ERG: variants seen among roughly 807,000 people sequenced by gnomAD.
The protein encoded by ERG is transcriptional regulator ERG.
A neutral mutation model predicts 55.3 loss-of-function variants in ERG; 9 were observed. The observed-to-expected ratio is 0.16, with a 90% CI of 0.10 to 0.28. The LOEUF (loss-of-function observed/expected upper bound fraction) is 0.28. Among genes scored for constraint, ERG ranks in the 10% least tolerant of loss-of-function variants. The pLI is 1.00. For synonymous variants in ERG, 223 were observed against 237.3 expected, an observed-to-expected ratio of 0.94 and a Z score of 0.55; for missense variants, 434 against 631.6, an observed-to-expected ratio of 0.69 and a Z score of 3.35.
chr21:38,397,375 G>A (rs1408352021), intron 6 of ERG, among the ~76,000 whole-genome samples: 3 of 152,038 alleles, frequency 2.0e-5, no homozygotes, highest in Non-Finnish European at 2.9e-5. Flanking sequence ...AGAGGTGGGC[G>A]GATCACGAGG....
At chr21:38,464,796 T>G (rs1380785166) in intron 1 of ERG, among the ~76,000 whole-genome samples, 1 of 151,996 alleles carries the variant, frequency 6.6e-6, no homozygotes, top group Non-Finnish European at 1.5e-5. Flanking sequence ...CTCCCACTTA[T>G]TAGTGAGAAC....
chr21:38,518,276 CTATCTAT>C (rs2059567984), intron 2 of ERG, among the ~76,000 whole-genome samples: 1 of 150,500 alleles, frequency 6.6e-6, no homozygotes, highest in African/African-American at 2.5e-5. Context: ...ATCTATCTAT[CTATCTAT>C]CTATCTATTT....
At position 38,445,536 on chromosome 21, in the gene ERG, G is replaced by A. The variant is rs993206522; in HGVS notation, c.104C>T (p.Ala35Val). 2.0e-5 allele frequency: 33 copies of A among 1,613,942 alleles called. No homozygotes were observed. Among genetic ancestry groups the A allele is most frequent in the Admixed American group, 3.3e-5 (2 of 59,990 alleles). ...CTGTCCATAGTCGCTGGAGGAGGAC[G>A]CGGTCATCTCTGTCTTAGCCAGGTG... ...TPHLAKTEMT[A>V]SSSSDYGQTS... The change falls in exon 2 of 10, where the codon GCG becomes GTG. Residue 35 changes from alanine to valine, a missense_variant. Coordinates refer to ENST00000288319, the MANE Select transcript of ERG (RefSeq NM_182918.4).
At chr21:38,538,920 G>A (rs776651674) in intron 2 of ERG, among the ~76,000 whole-genome samples, 1 of 152,044 alleles carries the variant, frequency 6.6e-6, no homozygotes, top group Non-Finnish European at 1.5e-5. Flanking sequence ...TCCAGGAACA[G>A]AGACTGCCCA....
intron 2 of ERG, among the ~76,000 whole-genome samples, chr21:38,444,489 T>C (rs1748135981): frequency 6.6e-6 from 1 of 152,228 alleles, no homozygotes; most frequent in African/African-American, 2.4e-5. Context: ...AGAAATAATC[T>C]GTTCTTTATC....
chr21:38,406,571 C>A (rs868510773), intron 3 of ERG, among the ~76,000 whole-genome samples: 3 of 152,290 alleles, frequency 2.0e-5, no homozygotes, highest in Non-Finnish European at 4.4e-5. Flanking sequence ...CTACCCAAGT[C>A]ATTCCCTGTA....
chr21:38,584,089 C>T (rs2060047204), intron 1 of ERG, among the ~76,000 whole-genome samples: 1 of 152,194 alleles, frequency 6.6e-6, no homozygotes, highest in African/African-American at 2.4e-5. Flanking sequence ...GAACTCTGAC[C>T]CTGGTCAAGG....
the ERG span, among the ~76,000 whole-genome samples, chr21:38,374,238 T>C: frequency 1.3e-5 from 2 of 152,232 alleles, no homozygotes; most frequent in African/African-American, 4.8e-5. Flanking sequence ...AGATGAATAA[T>C]GTACACTGAC....
chr21:38,526,606 T>C (rs1376528357), intron 2 of ERG, among the ~76,000 whole-genome samples: 2 of 152,200 alleles, frequency 1.3e-5, no homozygotes, highest in Non-Finnish European at 2.9e-5. Context: ...AAGATTTATA[T>C]ATAAATGCAC....
At chr21:38,645,366 T>C (rs1362233279) in intron 1 of ERG, among the ~76,000 whole-genome samples, 1 of 152,170 alleles carries the variant, frequency 6.6e-6, no homozygotes, top group African/African-American at 2.4e-5. Context: ...CATAAGAGTG[T>C]AGGCATACAT....
At chr21:38,520,519 G>A (rs2059586524) in intron 2 of ERG, among the ~76,000 whole-genome samples, 1 of 152,202 alleles carries the variant, frequency 6.6e-6, no homozygotes, top group Non-Finnish European at 1.5e-5. Flanking sequence ...TCCCAAACAT[G>A]GCGGGAAGCC....
At chr21:38,378,538 G>A (rs559121530), downstream of ERG, among the ~76,000 whole-genome samples, 2 of 152,270 alleles carry the variant, frequency 1.3e-5, no homozygotes, top group African/African-American at 4.8e-5. Flanking sequence ...ACTGTGCTGG[G>A]TCCTGAATCA....
intron 1 of ERG, among the ~76,000 whole-genome samples, chr21:38,462,893 C>A (rs998553577): frequency 2.6e-5 from 4 of 152,302 alleles, no homozygotes; most frequent in Non-Finnish European, 5.9e-5. Context: ...AAGGGGCAGG[C>A]CTGTAAAGCG....
chr21:38,612,113 G>A (rs1388399535), intron 1 of ERG, among the ~76,000 whole-genome samples: 1 of 152,174 alleles, frequency 6.6e-6, no homozygotes, highest in Non-Finnish European at 1.5e-5. Flanking sequence ...TCGGCCAAGT[G>A]AAAAACACAC....
At chr21:38,550,560 G>A (rs1454970584) in intron 2 of ERG, among the ~76,000 whole-genome samples, 4 of 152,146 alleles carry the variant, frequency 2.6e-5, no homozygotes, top group African/African-American at 9.7e-5. Context: ...CAAGAAGATG[G>A]ACATCTATGA....
At chr21:38,457,863 C>T (rs143178193) in intron 1 of ERG, among the ~76,000 whole-genome samples, 410 of 152,240 alleles carry the variant, frequency 2.7e-3, no homozygotes, top group African/African-American at 9.5e-3. Flanking sequence ...CTTATGGGAG[C>T]GTCATGGGGC....
intron 2 of ERG, among the ~76,000 whole-genome samples, chr21:38,512,834 A>T (rs1006827183): frequency 2.6e-5 from 4 of 152,278 alleles, no homozygotes; most frequent in African/African-American, 9.6e-5. Context: ...ATTTAAATAT[A>T]TTAATTAAAA....
chr21:38,454,916 C>T (rs1281883168), intron 1 of ERG, among the ~76,000 whole-genome samples: 1 of 152,098 alleles, frequency 6.6e-6, no homozygotes, highest in African/African-American at 2.4e-5. Flanking sequence ...GTCCCTGGTC[C>T]AGTTCTTTTG....
intron 1 of ERG, among the ~76,000 whole-genome samples, chr21:38,461,718 T>C (rs1349278116): frequency 6.6e-6 from 1 of 152,252 alleles, no homozygotes; most frequent in African/African-American, 2.4e-5. Flanking sequence ...TGCAAAACAA[T>C]GCCACTTCTC....
Sources: allele counts gnomAD v4.1 joint callset (sites outside exome capture counted in the v4.1 genomes callset), GRCh38; gene constraint gnomAD v4.1.1; transcripts MANE v1.5; gene names NCBI Gene and HGNC (gene_info 2026-07-23, HGNC 2026-07-21).